The following CYSLTR2 variants were observed in gnomAD, a reference collection of about 807,000 sequenced individuals.
CYSLTR2 encodes cysteinyl leukotriene receptor 2, also known as G-protein coupled receptor GPCR21.
For missense variants in CYSLTR2, 398 were observed against 411.9 expected (o/e 0.97, Z 0.29); for synonymous variants, 179 against 160.8 (o/e 1.11, Z -0.86).
intron 1 of CYSLTR2, among the ~76,000 whole-genome samples, chr13:48,664,834 A>G (rs1953220075): frequency 6.6e-6 from 1 of 150,478 alleles, no homozygotes; most frequent in Admixed American, 6.6e-5. Flanking sequence ...TCTGCTCTTT[A>G]TTACTTCTTC....
chr13:48,690,430 C>T (rs1189392460), intron 1 of CYSLTR2, among the ~76,000 whole-genome samples: 1 of 151,812 alleles, frequency 6.6e-6, no homozygotes, highest in Non-Finnish European at 1.5e-5. Context: ...TATGTTTCAT[C>T]AATATCTAGT....
At chr13:48,664,459 T>G (rs1953209771) in intron 1 of CYSLTR2, among the ~76,000 whole-genome samples, 1 of 151,988 alleles carries the variant, frequency 6.6e-6, no homozygotes, top group Admixed American at 6.6e-5. Context: ...AGCCATCTGG[T>G]GTTTCTTTTT....
At chr13:48,699,725 CAGGA>C (rs1273063869) in intron 4 of CYSLTR2, among the ~76,000 whole-genome samples, 1 of 151,900 alleles carries the variant, frequency 6.6e-6, no homozygotes, top group Non-Finnish European at 1.5e-5. Context: ...TCAATGAATC[CAGGA>C]GCTGGCTTTT....
At chr13:48,654,221 G>T (rs555280202) in intron 1 of CYSLTR2, among the ~76,000 whole-genome samples, 2 of 149,874 alleles carry the variant, frequency 1.3e-5, no homozygotes, top group Non-Finnish European at 3.0e-5. Flanking sequence ...CACCAAAATA[G>T]CCTCTATTGA....
chr13:48,676,487 G>A (rs1953599775), intron 1 of CYSLTR2, among the ~76,000 whole-genome samples: 1 of 152,130 alleles, frequency 6.6e-6, no homozygotes, highest in Non-Finnish European at 1.5e-5. Context: ...CAAAGTCTGA[G>A]GTTAGGAAAG....
intron 1 of CYSLTR2, among the ~76,000 whole-genome samples, chr13:48,666,327 A>T (rs1253453684): frequency 6.6e-6 from 1 of 151,668 alleles, no homozygotes; most frequent in Non-Finnish European, 1.5e-5. Flanking sequence ...TGCTTTTAAA[A>T]TTTTTTCTTG....
intron 4 of CYSLTR2, among the ~76,000 whole-genome samples, chr13:48,698,629 C>T (rs1455025464): frequency 3.3e-5 from 5 of 152,158 alleles, no homozygotes; most frequent in Non-Finnish European, 5.9e-5. Flanking sequence ...AGCAAAATAA[C>T]CAGCTAACAT....
intron 1 of CYSLTR2, among the ~76,000 whole-genome samples, chr13:48,677,868 AT>A (rs746179854): frequency 0.17 from 22,507 of 131,472 alleles, 2,174 homozygotes; most frequent in African/African-American, 0.34. Context: ...GCCTGGTACT[AT>A]TTTTTTTTTT....
At chr13:48,669,352 C>G (rs891798962) in intron 1 of CYSLTR2, among the ~76,000 whole-genome samples, 5 of 151,860 alleles carry the variant, frequency 3.3e-5, no homozygotes, top group Admixed American at 1.3e-4. Context: ...AAGGCATACA[C>G]ATGCCATGAT....
chr13:48,655,216 G>A (rs1053140186), intron 1 of CYSLTR2, among the ~76,000 whole-genome samples: 3 of 152,140 alleles, frequency 2.0e-5, no homozygotes, highest in Admixed American at 6.5e-5. Flanking sequence ...TCTGAATCAC[G>A]CCCATATCTG....
At chr13:48,679,188 A>T (rs1481245828) in intron 1 of CYSLTR2, among the ~76,000 whole-genome samples, 2 of 152,028 alleles carry the variant, frequency 1.3e-5, no homozygotes, top group African/African-American at 2.4e-5. Flanking sequence ...TCCACTGCCC[A>T]GAGTCCCTGT....
chr13:48,687,750 G>A (rs1953932978), intron 1 of CYSLTR2, among the ~76,000 whole-genome samples: 1 of 152,058 alleles, frequency 6.6e-6, no homozygotes, highest in African/African-American at 2.4e-5. Flanking sequence ...CCACTGGAGG[G>A]GTGGTAGTTT....
chr13:48,690,160 G>T (rs1593995540), intron 1 of CYSLTR2, among the ~76,000 whole-genome samples: 2 of 152,152 alleles, frequency 1.3e-5, no homozygotes, highest in South Asian at 2.1e-4. Context: ...GGGCTGAGAT[G>T]ATGGGGTTTT....
intron 1 of CYSLTR2, among the ~76,000 whole-genome samples, chr13:48,690,164 G>T (rs1047588661): frequency 6.6e-5 from 10 of 152,096 alleles, no homozygotes; most frequent in African/African-American, 1.9e-4. Flanking sequence ...TGAGATGATG[G>T]GGTTTTGTAA....
At chr13:48,682,819 G>C (rs114350771) in intron 1 of CYSLTR2, among the ~76,000 whole-genome samples, 1,980 of 152,146 alleles carry the variant, frequency 0.013, 50 homozygotes, top group African/African-American at 0.045. Context: ...AGAGTATTTT[G>C]TCAGTCAAGT....
intron 1 of CYSLTR2, among the ~76,000 whole-genome samples, chr13:48,673,270 T>C (rs574299710): frequency 1.0e-3 from 156 of 152,270 alleles, no homozygotes; most frequent in Admixed American, 1.8e-3. Context: ...AAGAACTTGC[T>C]TTATGAATCC....
At chr13:48,692,380 C>G (rs1437273736) in intron 2 of CYSLTR2, among the ~76,000 whole-genome samples, 1 of 151,856 alleles carries the variant, frequency 6.6e-6, no homozygotes, top group Non-Finnish European at 1.5e-5. Flanking sequence ...GACTCCAATT[C>G]TAATTTTACT....
Position 48,707,861 on chromosome 13 carries a change from A to G in CYSLTR2, c.*3A>G, listed in dbSNP as rs760673757. The G allele has an allele frequency of 3.3e-6, 5 of 1,517,154 alleles. No individual in the cohort carries two copies. The highest frequency in any genetic ancestry group is 1.8e-4 in the Middle Eastern group (1 of 5,598). 94.0% of individuals were successfully genotyped at this position (1,517,154 alleles called of 1,614,324 possible). ...TGAGAAAGGAAACAAGAGTATAAGGAGCTCTTAGATGAGACCTGTTCTTGT... is the reference window on the plus strand; with the variant it reads ...TGAGAAAGGAAACAAGAGTATAAGGGGCTCTTAGATGAGACCTGTTCTTGT... On this transcript the variant is annotated 3_prime_UTR_variant, in exon 5 of 5. Transcript: ENST00000682523.
At chr13:48,697,231 C>T (rs769260900) in intron 4 of CYSLTR2, among the ~76,000 whole-genome samples, 1 of 152,178 alleles carries the variant, frequency 6.6e-6, no homozygotes, top group Non-Finnish European at 1.5e-5. Context: ...TCCCTGACCC[C>T]CGAGTAGCCT....
Sources: gnomAD v4.1 joint callset for allele counts (sites outside exome capture counted in the v4.1 genomes callset) on GRCh38, gnomAD v4.1.1 for gene constraint, MANE v1.5 for transcripts, NCBI Gene and HGNC (gene_info 2026-07-23, HGNC 2026-07-21) for gene names.